The following ARHGEF33 variants were observed in gnomAD, a reference collection of about 807,000 sequenced individuals.
The protein encoded by ARHGEF33 is Rho guanine nucleotide exchange factor 33.
ARHGEF33 carries 72 observed loss-of-function variants against 101.9 expected under a neutral mutation model. The ratio of observed to expected loss-of-function variants is 0.71; its 90% CI spans 0.58 to 0.86. The LOEUF (loss-of-function observed/expected upper bound fraction) is 0.86. Ranked by LOEUF, ARHGEF33 falls within the 40% of genes least tolerant of loss-of-function variation. The probability of loss-of-function intolerance (pLI) is 0.00; values close to 1 mark genes in which losing one functional copy is unlikely to be tolerated. For missense variants in ARHGEF33, 1,169 were observed against 1,111.3 expected (o/e 1.05, Z -0.74); for synonymous variants, 499 against 442.5 (o/e 1.13, Z -1.60).
intron 8 of ARHGEF33, 23 bp from the exon 9 acceptor site, chr2:38,937,312 C>CGGGGGTGGGGGGGGGG: frequency 1.7e-6 from 1 of 583,332 alleles, no homozygotes; most frequent in East Asian, 3.7e-5. Context: ...TTTGTTTCCC[C>CGGGGGTGGGGGGGGGG]GCCCCTCCCC....
intron 1 of ARHGEF33, 30 bp from the exon 2 acceptor site, chr2:38,895,747 C>T (rs1315796548): frequency 6.7e-6 from 1 of 149,424 alleles, no homozygotes; most frequent in Non-Finnish European, 1.5e-5. Context: ...CTATCATTAT[C>T]AATGGCGTTT....
rs556571073 is a variant in ARHGEF33, at chr2:38,934,442, C to T, written c.506-1333C>T. Among the ~76,000 whole-genome samples, 15 of 135,028 alleles carry T rather than the reference C, an allele frequency of 1.1e-4. 1 individual carries two copies. Among genetic ancestry groups the T allele is most frequent in the African/African-American group, 4.2e-4 (15 of 35,406 alleles). 88.6% of individuals were successfully genotyped at this position (135,028 alleles called of 152,430 possible). ...ATTTTCCCTCCCTCCATCCCTCCCC[C>T]TTCTATCCCTCCCTCCCCCTTTTCT... is the stretch of plus-strand genomic sequence containing the variant. On this transcript the variant is annotated intron_variant, in intron 7 of 17. Coordinates refer to ENST00000409978, the MANE Select transcript of ARHGEF33 (RefSeq NM_001145451.5).
At chr2:38,920,479 C>T (rs1225762305) in intron 3 of ARHGEF33, among the ~76,000 whole-genome samples, 1 of 137,210 alleles carries the variant, frequency 7.3e-6, no homozygotes, top group Non-Finnish European at 1.5e-5. Context: ...ACGATCTCAA[C>T]TCACTGCAAC....
At chr2:38,916,696 T>C (rs1666641636) in intron 2 of ARHGEF33, among the ~76,000 whole-genome samples, 1 of 152,164 alleles carries the variant, frequency 6.6e-6, no homozygotes, top group African/African-American at 2.4e-5. Context: ...TACCTGTGTG[T>C]ACCCTCCCAC....
Position 38,973,994 on chromosome 2 carries a change from T to G in ARHGEF33, c.*151T>G. The G allele has an allele frequency of 2.2e-6, 1 of 460,758 alleles. No homozygotes were observed. Among genetic ancestry groups the G allele is most frequent in the African/African-American group, 2.1e-5 (1 of 47,648 alleles). 28.5% of individuals were successfully genotyped at this position (460,758 alleles called of 1,614,324 possible). On this transcript the variant is annotated 3_prime_UTR_variant, in exon 18 of 18. Transcript: ENST00000409978. ...GAAAACTAATATAAATACTTACATA[T>G]GAAACTAAACATACAAGACATTGAA...
intron 16 of ARHGEF33, among the ~76,000 whole-genome samples, chr2:38,962,849 C>CGA (rs1179543256): frequency 3.6e-5 from 2 of 56,124 alleles, no homozygotes; most frequent in South Asian, 1.7e-3. Context: ...CCCGTCTCTA[C>CGA]AAAAAAAAAA....
At chr2:38,918,589 G>C (rs1008020526) in intron 2 of ARHGEF33, among the ~76,000 whole-genome samples, 2 of 152,148 alleles carry the variant, frequency 1.3e-5, no homozygotes, top group Non-Finnish European at 2.9e-5. Context: ...ATGTCTAATG[G>C]TCGTGTCAGA....
chr2:38,920,081 T>G (rs1666721707), intron 3 of ARHGEF33, among the ~76,000 whole-genome samples: 1 of 152,188 alleles, frequency 6.6e-6, no homozygotes, highest in Non-Finnish European at 1.5e-5. Flanking sequence ...TGTGTATAAA[T>G]TCTGGGCTAA....
intron 2 of ARHGEF33, among the ~76,000 whole-genome samples, chr2:38,916,801 C>CTTT (rs200104155): frequency 2.2e-5 from 3 of 137,998 alleles, no homozygotes; most frequent in African/African-American, 8.0e-5. Context: ...ATAATAAAGT[C>CTTT]TTTTTTTTTT....
At chr2:38,900,166 A>G (rs1366683643) in intron 2 of ARHGEF33, among the ~76,000 whole-genome samples, 1 of 152,192 alleles carries the variant, frequency 6.6e-6, no homozygotes, top group Non-Finnish European at 1.5e-5. Context: ...CATTCGCTCC[A>G]GCTTGGGCAA....
chr2:38,948,143 GC>G (rs929216538), intron 10 of ARHGEF33, among the ~76,000 whole-genome samples: 2 of 151,982 alleles, frequency 1.3e-5, no homozygotes, highest in South Asian at 2.1e-4. Flanking sequence ...TGAAAAAGTT[GC>G]TTCTGGGCGT....
chr2:38,956,950 G>C lies in ARHGEF33; in HGVS notation c.1273G>C (p.Val425Leu). The change falls in exon 14 of 18, where the codon GTG (valine) becomes CTG (leucine). Residue 425 changes from valine to leucine, a missense_variant. Physicochemically the swap from Val to Leu is conservative, Grantham distance 32. Transcript: ENST00000409978. ...GCACCCTGACTATTATCTACTACTG[G>C]TGTGTGTCCAGCGCCTCCGAGTATT... ...QEHPDYYLLL[V>L]CVQRLRVFIS... 1 of 1,552,338 alleles carries C rather than the reference G, an allele frequency of 6.4e-7. No homozygotes were observed. The highest frequency in any genetic ancestry group is 8.7e-7 in the Non-Finnish European group (1 of 1,147,130).
At chr2:38,941,836 T>G (rs765020405) in intron 9 of ARHGEF33, among the ~76,000 whole-genome samples, 2 of 151,986 alleles carry the variant, frequency 1.3e-5, no homozygotes, top group Non-Finnish European at 2.9e-5. Context: ...TGAGCCACTG[T>G]GCCCAGCCCG....
intron 2 of ARHGEF33, among the ~76,000 whole-genome samples, chr2:38,908,220 A>G (rs1436549976): frequency 6.6e-6 from 1 of 152,084 alleles, no homozygotes; most frequent in Non-Finnish European, 1.5e-5. Flanking sequence ...ATCTGTTTGA[A>G]AGATTGAGAT....
intron 7 of ARHGEF33, among the ~76,000 whole-genome samples, chr2:38,932,551 C>T (rs533804670): frequency 5.3e-5 from 8 of 152,220 alleles, no homozygotes; most frequent in African/African-American, 1.9e-4. Context: ...GCTCTATTTT[C>T]TTTCCTCTAA....
intron 2 of ARHGEF33, 116 bp downstream of exon 2, chr2:38,895,965 T>C (rs1278360674): frequency 6.6e-6 from 1 of 152,190 alleles, no homozygotes; most frequent in Non-Finnish European, 1.5e-5. Context: ...TTGTAGAATT[T>C]TATAACCATT....
At chr2:38,942,792 A>C (rs1667347833) in intron 9 of ARHGEF33, among the ~76,000 whole-genome samples, 1 of 152,210 alleles carries the variant, frequency 6.6e-6, no homozygotes, top group South Asian at 2.1e-4. Context: ...ATGCAAATGT[A>C]TGAGCATCCT....
At chr2:38,905,250 G>A (rs996385876) in intron 2 of ARHGEF33, among the ~76,000 whole-genome samples, 2 of 152,076 alleles carry the variant, frequency 1.3e-5, no homozygotes, top group Non-Finnish European at 2.9e-5. Flanking sequence ...AGGTAAAACT[G>A]CATAGTGAAA....
At chr2:38,895,884 A>G (rs1480175856) in intron 2 of ARHGEF33, 35 bp downstream of exon 2, 1 of 152,218 alleles carries the variant, frequency 6.6e-6, no homozygotes, top group Non-Finnish European at 1.5e-5. Flanking sequence ...TTTTCTAATA[A>G]GAACACAGGC....
Sources: allele counts gnomAD v4.1 joint callset (sites outside exome capture counted in the v4.1 genomes callset), GRCh38; gene constraint gnomAD v4.1.1; transcripts MANE v1.5; gene names NCBI Gene and HGNC (gene_info 2026-07-23, HGNC 2026-07-21).